The following MICU1 variants were observed in gnomAD, a reference collection of about 807,000 sequenced individuals.
MICU1 encodes mitochondrial calcium uptake 1.
A neutral mutation model predicts 56.8 loss-of-function variants in MICU1; 45 were observed. That is an observed-to-expected ratio of 0.79 (90% confidence interval 0.62 to 1.02). MICU1 has a LOEUF of 1.02. Among genes scored for constraint, MICU1 ranks in the 50% least tolerant of loss-of-function variants. The pLI is 0.00. For synonymous variants in MICU1, 186 were observed against 195.1 expected (o/e 0.95, Z 0.39); for missense variants, 504 against 587.1 (o/e 0.86, Z 1.46).
chr10:72,435,827 G>T (rs1055521724), intron 8 of MICU1, among the ~76,000 whole-genome samples: 7 of 152,262 alleles, frequency 4.6e-5, no homozygotes, highest in Non-Finnish European at 8.8e-5. Context: ...GGCTGCAGCT[G>T]GGCAGGGGGA....
chr10:72,611,265 T>A (rs1442685508), intron 1 of MICU1, among the ~76,000 whole-genome samples: 15 of 145,432 alleles, frequency 1.0e-4, no homozygotes, highest in Non-Finnish European at 1.6e-4. Context: ...ATCGCTCCAC[T>A]GCACTCCAGC....
intron 5 of MICU1, among the ~76,000 whole-genome samples, chr10:72,523,586 C>T (rs1286520341): frequency 6.6e-6 from 1 of 152,026 alleles, no homozygotes; most frequent in Non-Finnish European, 1.5e-5. Flanking sequence ...ATAAAGAGCA[C>T]CCTGTGGTCT....
At chr10:72,571,717 G>A (rs1444528013) in intron 1 of MICU1, among the ~76,000 whole-genome samples, 1 of 152,100 alleles carries the variant, frequency 6.6e-6, no homozygotes, top group East Asian at 1.9e-4. Flanking sequence ...TGAGTGCCTA[G>A]ATTATAAGTG....
chr10:72,580,322 C>A (rs542644244), intron 1 of MICU1, among the ~76,000 whole-genome samples: 2 of 152,034 alleles, frequency 1.3e-5, no homozygotes, highest in Non-Finnish European at 2.9e-5. Flanking sequence ...TATTAAACAA[C>A]CCCACCCCAC....
At chr10:72,444,932 G>A (rs535705740) in intron 8 of MICU1, among the ~76,000 whole-genome samples, 10 of 152,268 alleles carry the variant, frequency 6.6e-5, no homozygotes, top group Admixed American at 5.9e-4. Context: ...AAATACCTAC[G>A]GAGAGAATGT....
chr10:72,606,408 G>C, intron 1 of MICU1, among the ~76,000 whole-genome samples: 1 of 151,806 alleles, frequency 6.6e-6, no homozygotes, highest in East Asian at 1.9e-4. Flanking sequence ...CAGCTACTCG[G>C]GAACTGAGGC....
rs183977853 is a variant in MICU1 at position 72,611,372 on chromosome 10, G to A, written c.-2+14638C>T. ...CACATCTGTAATCCCAGCACTTTGG[G>A]AGGCCGAGGCGGGCGGATCACCTGA... On this transcript the variant is annotated intron_variant, in intron 1 of 11. Coordinates refer to ENST00000361114, the MANE Select transcript of MICU1 (RefSeq NM_001195518.2). 7.2e-5 allele frequency among the ~76,000 whole-genome samples: 11 copies of A among 152,044 alleles called. No individual in the cohort carries two copies. The East Asian group carries it at 1.9e-3, about 27-fold the overall frequency.
intron 1 of MICU1, among the ~76,000 whole-genome samples, chr10:72,615,183 T>A (rs1355399507): frequency 6.6e-6 from 1 of 152,194 alleles, no homozygotes; most frequent in African/African-American, 2.4e-5. Context: ...AGTGGCATGA[T>A]CTTGGCTCAC....
chr10:72,411,317 GCT>G (rs888916065), intron 9 of MICU1, among the ~76,000 whole-genome samples: 3 of 151,590 alleles, frequency 2.0e-5, no homozygotes, highest in Admixed American at 6.6e-5. Context: ...ACATGCTAAA[GCT>G]CTTTTACTTT....
At chr10:72,454,782 C>CAAAAAAAAAAAAAA (rs10591892) in intron 8 of MICU1, among the ~76,000 whole-genome samples, 1 of 119,052 alleles carries the variant, frequency 8.4e-6, no homozygotes, top group Non-Finnish European at 1.7e-5. Context: ...AACTCCATCT[C>CAAAAAAAAAAAAAA]AAAAAAAAAA....
At chr10:72,622,318 C>T (rs540866294) in intron 1 of MICU1, among the ~76,000 whole-genome samples, 3 of 152,048 alleles carry the variant, frequency 2.0e-5, no homozygotes, top group Admixed American at 2.0e-4. Context: ...TGCTCTTCTC[C>T]AGAAAGCATC....
intron 3 of MICU1, 155 bp downstream of exon 3, chr10:72,562,740 G>C: frequency 5.2e-6 from 3 of 579,946 alleles, no homozygotes; most frequent in Non-Finnish European, 8.1e-6. Flanking sequence ...CACATTCCAA[G>C]AGTACTTTTG....
chr10:72,568,467 G>C (rs978823140), intron 1 of MICU1, among the ~76,000 whole-genome samples: 2 of 152,026 alleles, frequency 1.3e-5, no homozygotes, highest in Non-Finnish European at 2.9e-5. Context: ...CTTTTAGGAG[G>C]TGCTGCTGTT....
At chr10:72,369,212 ATTGCGGCAATCACCAGGAGC>A (rs1862245981) in intron 11 of MICU1, among the ~76,000 whole-genome samples, 1 of 151,018 alleles carries the variant, frequency 6.6e-6, no homozygotes, top group African/African-American at 2.4e-5. Context: ...CCACCCGGTG[ATTGCGGCAATCACCAGGAGC>A]TCAAGGCTGC....
chr10:72,575,511 T>G (rs1042321922), intron 1 of MICU1, among the ~76,000 whole-genome samples: 8 of 152,224 alleles, frequency 5.3e-5, no homozygotes, highest in Admixed American at 4.6e-4. Flanking sequence ...AATTGAAGGT[T>G]TGTGGCAACC....
intron 11 of MICU1, among the ~76,000 whole-genome samples, chr10:72,370,621 T>G (rs1862300713): frequency 6.6e-6 from 1 of 152,200 alleles, no homozygotes; most frequent in South Asian, 2.1e-4. Flanking sequence ...GGGAAGGAAG[T>G]GACTGGAGGT....
intron 1 of MICU1, among the ~76,000 whole-genome samples, chr10:72,624,812 A>T (rs1842190362): frequency 6.6e-6 from 1 of 152,220 alleles, no homozygotes; most frequent in African/African-American, 2.4e-5. Context: ...TGGGACAAAG[A>T]GTAGCTGGAG....
chr10:72,617,477 T>C (rs918922660), intron 1 of MICU1, among the ~76,000 whole-genome samples: 1 of 152,102 alleles, frequency 6.6e-6, no homozygotes, highest in Non-Finnish European at 1.5e-5. Context: ...TTGGGGTAAA[T>C]ATTATTATTA....
At chr10:72,394,981 C>A (rs1863198884) in intron 10 of MICU1, among the ~76,000 whole-genome samples, 1 of 151,812 alleles carries the variant, frequency 6.6e-6, no homozygotes, top group South Asian at 2.1e-4. Flanking sequence ...GAGATTGAGA[C>A]CATCCTGGCT....
Sources: allele counts gnomAD v4.1 joint callset (sites outside exome capture counted in the v4.1 genomes callset), GRCh38; gene constraint gnomAD v4.1.1; transcripts MANE v1.5; gene names NCBI Gene and HGNC (gene_info 2026-07-23, HGNC 2026-07-21).